The following TMEM132C variants were observed in gnomAD, a reference collection of about 807,000 sequenced individuals.
TMEM132C encodes the protein protein phosphatase 1, regulatory subunit 152.
TMEM132C carries 29 observed loss-of-function variants against 61.4 expected under a neutral mutation model. The observed-to-expected ratio is 0.47, with a 90% CI of 0.35 to 0.64. The LOEUF (loss-of-function observed/expected upper bound fraction) is 0.64, where lower values mean the gene tolerates loss of function less well. Among genes scored for constraint, TMEM132C ranks in the 30% least tolerant of loss-of-function variants. TMEM132C has a pLI of 0.00. For missense variants in TMEM132C, 1,408 were observed against 1,476.9 expected (o/e 0.95, Z 0.76); for synonymous variants, 656 against 633.1 (o/e 1.04, Z -0.54).
chr12:128,351,602 A>C (rs1490030704), intron 1 of TMEM132C, among the ~76,000 whole-genome samples: 1 of 152,066 alleles, frequency 6.6e-6, no homozygotes, highest in African/African-American at 2.4e-5. Flanking sequence ...GGAGGCCCTC[A>C]GGCTGCTTCC....
intron 3 of TMEM132C, among the ~76,000 whole-genome samples, chr12:128,611,287 A>G (rs763998994): frequency 1.3e-5 from 2 of 152,082 alleles, no homozygotes; most frequent in Non-Finnish European, 2.9e-5. Context: ...TCAAACTGCT[A>G]ACTTTCTTCC....
At chr12:128,394,230 C>T (rs1874866327) in intron 1 of TMEM132C, among the ~76,000 whole-genome samples, 1 of 152,178 alleles carries the variant, frequency 6.6e-6, no homozygotes, top group Non-Finnish European at 1.5e-5. Context: ...TACCCCCATG[C>T]TTCAATTATC....
intron 1 of TMEM132C, among the ~76,000 whole-genome samples, chr12:128,328,362 G>A (rs537049515): frequency 3.3e-5 from 5 of 152,324 alleles, no homozygotes; most frequent in Admixed American, 6.5e-5. Context: ...TGACTGTGGG[G>A]AAGGAACTGT....
chr12:128,384,142 C>T (rs937082857), intron 1 of TMEM132C, among the ~76,000 whole-genome samples: 5 of 152,166 alleles, frequency 3.3e-5, no homozygotes, highest in African/African-American at 9.7e-5. Context: ...GTGGGCAACC[C>T]GTCGTCAATC....
At chr12:128,448,764 A>G (rs76284189) in intron 2 of TMEM132C, among the ~76,000 whole-genome samples, 2,088 of 152,294 alleles carry the variant, frequency 0.014, 50 homozygotes, top group African/African-American at 0.044. Flanking sequence ...TAACCTGAAC[A>G]TGCAATTATA....
intron 1 of TMEM132C, among the ~76,000 whole-genome samples, chr12:128,331,522 A>G (rs578123496): frequency 1.3e-5 from 2 of 152,294 alleles, no homozygotes; most frequent in East Asian, 1.9e-4. Context: ...GTGATATTTG[A>G]CTGTCTGTGC....
chr12:128,365,923 G>T (rs975569692), intron 1 of TMEM132C, among the ~76,000 whole-genome samples: 1 of 152,170 alleles, frequency 6.6e-6, no homozygotes, highest in Non-Finnish European at 1.5e-5. Context: ...GGCTTGTCAC[G>T]GGGTGAAAGG....
chr12:128,442,190 G>A (rs745507437), intron 2 of TMEM132C, among the ~76,000 whole-genome samples: 5 of 152,184 alleles, frequency 3.3e-5, no homozygotes, highest in East Asian at 1.9e-4. Flanking sequence ...GTTTAGCCTC[G>A]TCATCACTTG....
intron 2 of TMEM132C, among the ~76,000 whole-genome samples, chr12:128,416,719 T>C (rs954784880): frequency 2.0e-5 from 3 of 152,246 alleles, no homozygotes; most frequent in African/African-American, 4.8e-5. Context: ...TTTCTCATCT[T>C]AATCCTACAG....
chr12:128,593,080 C>T (rs1875813528), intron 3 of TMEM132C, among the ~76,000 whole-genome samples: 1 of 150,902 alleles, frequency 6.6e-6, no homozygotes, highest in African/African-American at 2.4e-5. Flanking sequence ...TTCTCATCTT[C>T]CTTCTCTCTT....
chr12:128,604,773 A>G (rs775297921), intron 3 of TMEM132C, among the ~76,000 whole-genome samples: 2 of 148,274 alleles, frequency 1.3e-5, no homozygotes, highest in Non-Finnish European at 1.5e-5. Context: ...GGATGGATGG[A>G]TAGATAGATA....
chr12:128,548,258 C>T (rs901429229), intron 3 of TMEM132C, among the ~76,000 whole-genome samples: 1 of 152,236 alleles, frequency 6.6e-6, no homozygotes, highest in Non-Finnish European at 1.5e-5. Flanking sequence ...ATTCTCATTA[C>T]ACCACTTTCA....
intron 3 of TMEM132C, among the ~76,000 whole-genome samples, chr12:128,609,727 C>G (rs1876565249): frequency 6.6e-6 from 1 of 152,184 alleles, no homozygotes; most frequent in Non-Finnish European, 1.5e-5. Flanking sequence ...AGGCCAGATT[C>G]TTTCTCATTC....
chr12:128,359,656 C>G (rs1248423492), intron 1 of TMEM132C, among the ~76,000 whole-genome samples: 1 of 152,204 alleles, frequency 6.6e-6, no homozygotes, highest in Non-Finnish European at 1.5e-5. Flanking sequence ...TGTTTGTATT[C>G]TCTGAGGGTG....
At chr12:128,537,113 A>G (rs1873559492) in intron 2 of TMEM132C, among the ~76,000 whole-genome samples, 1 of 152,216 alleles carries the variant, frequency 6.6e-6, no homozygotes, top group African/African-American at 2.4e-5. Flanking sequence ...TGTGCAAAAG[A>G]TGACAGGGAT....
At chr12:128,625,190 TCA>T (rs1465765193) in intron 4 of TMEM132C, among the ~76,000 whole-genome samples, 1 of 152,218 alleles carries the variant, frequency 6.6e-6, no homozygotes, top group Non-Finnish European at 1.5e-5. Context: ...TTTCTTCCTA[TCA>T]TAGTCCATTC....
chr12:128,636,227 AT>A (rs1235363826), intron 4 of TMEM132C, among the ~76,000 whole-genome samples: 2 of 150,910 alleles, frequency 1.3e-5, no homozygotes, highest in Admixed American at 6.6e-5. Flanking sequence ...ATTTTTTAAA[AT>A]TTTTTTTAGA....
chr12:128,579,038 A>C (rs1875233200), intron 3 of TMEM132C, among the ~76,000 whole-genome samples: 1 of 152,218 alleles, frequency 6.6e-6, no homozygotes, highest in Admixed American at 6.5e-5. Context: ...AATTGAACCA[A>C]CTTCCTGAAG....
At chr12:128,466,675 C>G (rs1870747409) in intron 2 of TMEM132C, among the ~76,000 whole-genome samples, 1 of 152,166 alleles carries the variant, frequency 6.6e-6, no homozygotes, top group Non-Finnish European at 1.5e-5. Flanking sequence ...GCCACCATGC[C>G]TGGCTAATTT....
Sources: gnomAD v4.1 joint callset for allele counts (sites outside exome capture counted in the v4.1 genomes callset) on GRCh38, gnomAD v4.1.1 for gene constraint, MANE v1.5 for transcripts, NCBI Gene and HGNC (gene_info 2026-07-23, HGNC 2026-07-21) for gene names.